HIGD2B: variants seen among roughly 807,000 people sequenced by gnomAD.
The protein encoded by HIGD2B is HIG1 domain family member 2B.
For missense variants in HIGD2B, 106 were observed against 67.0 expected (o/e 1.58, Z -2.03); for synonymous variants, 45 against 28.1 (o/e 1.60, Z -1.90).
At position 72,682,711 on chromosome 15, in the gene HIGD2B, A is replaced by G. The variant is rs74738045; in HGVS notation, c.-192-2518T>C. 7.9e-3 allele frequency: 1,276 copies of G among 160,832 alleles called. 14 individuals carry two copies. Among genetic ancestry groups the G allele is most frequent in the African/African-American group, 0.029 (1,205 of 41,640 alleles). 10.0% of individuals were successfully genotyped at this position (160,832 alleles called of 1,614,324 possible). A position where few individuals can be genotyped will look rare whatever the true frequency, so the allele number is the denominator to read the frequency against. On this transcript the variant is annotated intron_variant, in intron 1 of 2. Coordinates refer to ENST00000311755, the MANE Select transcript of HIGD2B (RefSeq NM_001350932.3). ...ACTCTGTCTAAAAATAAGATAAAATAAAATAAAATGAAAACTTCATCCAGA... is the reference window on the plus strand; with the variant it reads ...ACTCTGTCTAAAAATAAGATAAAATGAAATAAAATGAAAACTTCATCCAGA...
intron 2 of HIGD2B, among the ~76,000 whole-genome samples, chr15:72,678,595 C>T (rs1057438323): frequency 5.3e-5 from 8 of 152,150 alleles, no homozygotes; most frequent in African/African-American, 1.9e-4. Context: ...AGCCACTACG[C>T]CTAGCCCTAG....
intron 1 of HIGD2B, among the ~76,000 whole-genome samples, chr15:72,681,135 G>T (rs915777197): frequency 1.1e-4 from 17 of 152,112 alleles, no homozygotes; most frequent in East Asian, 5.8e-4. Context: ...AGGAGAAGTT[G>T]CCAGGGAGTG....
Position 72,675,857 on chromosome 15 carries a change from T to A in HIGD2B, c.*197A>T, listed in dbSNP as rs2064682233. 4 of 562,290 alleles carry A rather than the reference T, an allele frequency of 7.1e-6. 1 individual carries two copies. In the Admixed American group the frequency reaches 1.3e-4, roughly 18 times the overall value. The allele number at this position is 562,290 out of a possible 1,614,324, so 34.8% of individuals were successfully genotyped here. A position where few individuals can be genotyped will look rare whatever the true frequency, so the allele number is the denominator to read the frequency against. On this transcript the variant is annotated 3_prime_UTR_variant, in exon 3 of 3. Transcript: ENST00000311755. ...GAGTGGAGGGAAGATGTGGCACAAA[T>A]AGAAATATGTAACATTCAAACAACA...
rs367962433 is a variant in HIGD2B, at chr15:72,680,012, T to C, written c.-14+3A>G. The stretch of plus-strand genomic sequence containing the variant: ...ACTGCTGGTCCAAACATTTCCTACT[T>C]ACATGGAACAGTGGAAAGTGCCAAC... On this transcript the variant is annotated splice_donor_region_variant and intron_variant, in intron 2 of 2. Coordinates refer to ENST00000311755, the MANE Select transcript of HIGD2B (RefSeq NM_001350932.3). 1.4e-5 allele frequency: 6 copies of C among 420,006 alleles called. No homozygotes were observed. In the East Asian group the frequency reaches 5.0e-4, roughly 35 times the overall value. The allele number at this position is 420,006 out of a possible 1,614,324, so 26.0% of individuals were successfully genotyped here. A position where few individuals can be genotyped will look rare whatever the true frequency, so the allele number is the denominator to read the frequency against.
intron 1 of HIGD2B, among the ~76,000 whole-genome samples, chr15:72,684,229 C>G (rs993853732): frequency 6.6e-6 from 1 of 152,150 alleles, no homozygotes; most frequent in Admixed American, 6.5e-5. Context: ...GGCTCCGTTA[C>G]AGAATTTTGG....
chr15:72,686,067 T>G lies in HIGD2B; in HGVS notation c.-442A>C, dbSNP rs763980862. ...CCGACTCTTTCAGAGGTAAGCCTTCTGTGGAGCAGACCCTAATCCTCCCCC... is the reference window on the plus strand; with the variant it reads ...CCGACTCTTTCAGAGGTAAGCCTTCGGTGGAGCAGACCCTAATCCTCCCCC... On this transcript the variant is annotated 5_prime_UTR_variant, in exon 1 of 3. Coordinates refer to ENST00000311755, the MANE Select transcript of HIGD2B (RefSeq NM_001350932.3). The G allele has an allele frequency of 8.2e-5, 63 of 769,860 alleles. No individual in the cohort carries two copies. The highest frequency in any genetic ancestry group is 3.7e-5 in the Non-Finnish European group (17 of 458,336). 47.7% of individuals were successfully genotyped at this position (769,860 alleles called of 1,614,324 possible). A position where few individuals can be genotyped will look rare whatever the true frequency, so the allele number is the denominator to read the frequency against.
rs1220627924 is a variant in HIGD2B at position 72,676,341 on chromosome 15, G to A, written c.34C>T (p.Pro12Ser). The A allele has an allele frequency of 1.3e-6, 1 of 761,238 alleles. No homozygotes were observed. The highest frequency in any genetic ancestry group is 1.4e-5 in the South Asian group (1 of 73,788). 47.2% of individuals were successfully genotyped at this position (761,238 alleles called of 1,614,324 possible). The change falls in exon 3 of 3, where the codon CCC becomes TCC. Residue 12 changes from proline (P) to serine (S), a missense_variant. Coordinates refer to ENST00000311755, the MANE Select transcript of HIGD2B (RefSeq NM_001350932.3). Reference sequence around the variant, plus strand: ...ATGGGGGGCTTCGATGATTCAAAGGGGGCCTCCGGAGTCACAAAGCCGAGA... The same window carrying A: ...ATGGGGGGCTTCGATGATTCAAAGGAGGCCTCCGGAGTCACAAAGCCGAGA... ...ATLGFVTPEA[P>S]FESSKPPIFE...
rs554828215 is a variant in HIGD2B at position 72,680,651 on chromosome 15, C to T, written c.-192-458G>A. Among the ~76,000 whole-genome samples, 249 of 152,274 alleles carry T rather than the reference C, an allele frequency of 1.6e-3. 1 individual carries two copies. The highest frequency in any genetic ancestry group is 2.7e-3 in the Non-Finnish European group (184 of 68,018). Reference sequence around the variant, plus strand: ...CCTGTAATTCCAGCACTTTGGGAGGCTGAGGTGGGCAGACCACCTGAGCTC... The same window carrying T: ...CCTGTAATTCCAGCACTTTGGGAGGTTGAGGTGGGCAGACCACCTGAGCTC... On this transcript the variant is annotated intron_variant, in intron 1 of 2. Coordinates refer to ENST00000311755, the MANE Select transcript of HIGD2B (RefSeq NM_001350932.3).
chr15:72,680,416 T>A (rs1373254877), intron 1 of HIGD2B, among the ~76,000 whole-genome samples: 2 of 152,206 alleles, frequency 1.3e-5, no homozygotes, highest in African/African-American at 2.4e-5. Flanking sequence ...ATGAATAAAC[T>A]GAACATTTTT....
chr15:72,679,239 C>T (rs2150976016), intron 2 of HIGD2B, among the ~76,000 whole-genome samples: 1 of 151,896 alleles, frequency 6.6e-6, no homozygotes, highest in Non-Finnish European at 1.5e-5. Flanking sequence ...GTGGCACACT[C>T]CTGTAGCCCC....
chr15:72,678,248 G>A (rs1434186571), intron 2 of HIGD2B, among the ~76,000 whole-genome samples: 1 of 152,236 alleles, frequency 6.6e-6, no homozygotes, highest in East Asian at 1.9e-4. Flanking sequence ...GGAATTTTTG[G>A]TAAAGTTGGA....
intron 2 of HIGD2B, among the ~76,000 whole-genome samples, chr15:72,679,241 T>C (rs1159502353): frequency 6.6e-6 from 1 of 151,962 alleles, no homozygotes; most frequent in East Asian, 1.9e-4. Context: ...GGCACACTCC[T>C]GTAGCCCCAG....
At chr15:72,681,901 G>A (rs1176968417) in intron 1 of HIGD2B, among the ~76,000 whole-genome samples, 1 of 151,970 alleles carries the variant, frequency 6.6e-6, no homozygotes, top group African/African-American at 2.4e-5. Context: ...ATGAGCCACC[G>A]CACTTGGACT....
chr15:72,677,770 T>TAA (rs11369031), intron 2 of HIGD2B, among the ~76,000 whole-genome samples: 33 of 150,366 alleles, frequency 2.2e-4, no homozygotes, highest in South Asian at 1.3e-3. Context: ...CTCTAAAAAT[T>TAA]AAAAAAAAAT....
intron 1 of HIGD2B, among the ~76,000 whole-genome samples, chr15:72,681,894 A>T (rs2064754280): frequency 6.6e-6 from 1 of 152,076 alleles, no homozygotes; most frequent in Non-Finnish European, 1.5e-5. Context: ...TACAGGCATG[A>T]GCCACCGCAC....
chr15:72,678,022 C>T (rs960530729), intron 2 of HIGD2B, among the ~76,000 whole-genome samples: 2 of 152,162 alleles, frequency 1.3e-5, no homozygotes, highest in African/African-American at 4.8e-5. Flanking sequence ...TATTTTCCCT[C>T]TTTGCTTTGC....
chr15:72,683,438 C>CTTTTTTTT, intron 1 of HIGD2B, among the ~76,000 whole-genome samples: 1 of 125,066 alleles, frequency 8.0e-6, no homozygotes, highest in Non-Finnish European at 1.7e-5. Flanking sequence ...TCAATTCCTC[C>CTTTTTTTT]TTTTTTTTTT....
At position 72,686,037 on chromosome 15, in the gene HIGD2B, C is replaced by A. The variant is rs923471181; in HGVS notation, c.-412G>T. ...AAAGGCAGCGAGTGGCTGCGCATTC[C>A]CTCCCCGACTCTTTCAGAGGTAAGC... On this transcript the variant is annotated 5_prime_UTR_variant, in exon 1 of 3. Coordinates refer to ENST00000311755, the MANE Select transcript of HIGD2B (RefSeq NM_001350932.3). 1.1e-4 allele frequency: 71 copies of A among 670,110 alleles called. No individual in the cohort carries two copies. In the African/African-American group the frequency reaches 1.2e-3, roughly 11 times the overall value. 41.5% of individuals were successfully genotyped at this position (670,110 alleles called of 1,614,324 possible).
At chr15:72,681,015 C>T (rs2064744029) in intron 1 of HIGD2B, among the ~76,000 whole-genome samples, 1 of 152,138 alleles carries the variant, frequency 6.6e-6, no homozygotes, top group African/African-American at 2.4e-5. Context: ...GGATGCCTGT[C>T]TGGTTCACTT....
Sources: gnomAD v4.1 joint callset for allele counts (sites outside exome capture counted in the v4.1 genomes callset) on GRCh38, gnomAD v4.1.1 for gene constraint, MANE v1.5 for transcripts, NCBI Gene and HGNC (gene_info 2026-07-23, HGNC 2026-07-21) for gene names.